GFOD2: variants seen among roughly 807,000 people sequenced by gnomAD.
GFOD2 encodes the protein glucose-fructose oxidoreductase domain-containing protein 2.
A neutral mutation model predicts 24.6 loss-of-function variants in GFOD2; 9 were observed. That is an observed-to-expected ratio of 0.37 (90% confidence interval 0.22 to 0.64). The LOEUF (loss-of-function observed/expected upper bound fraction) is 0.64. Ranked by LOEUF, GFOD2 falls within the 30% of genes least tolerant of loss-of-function variation. GFOD2 has a pLI of 0.65. For synonymous variants in GFOD2, 211 were observed against 224.8 expected, an observed-to-expected ratio of 0.94 and a Z score of 0.55; for missense variants, 476 against 532.5, an observed-to-expected ratio of 0.89 and a Z score of 1.04.
chr16:67,708,782 C>T (rs963517351), intron 1 of GFOD2, among the ~76,000 whole-genome samples: 103 of 152,268 alleles, frequency 6.8e-4, no homozygotes, highest in African/African-American at 2.4e-3. Context: ...GAGGCACCTC[C>T]ACAGACTTGA....
At chr16:67,692,228 T>TAA (rs58414730) in intron 1 of GFOD2, among the ~76,000 whole-genome samples, 1,501 of 109,304 alleles carry the variant, frequency 0.014, 24 homozygotes, top group African/African-American at 0.046. Flanking sequence ...ATGAACTTGG[T>TAA]AAAAAAAAAA....
At chr16:67,708,487 T>C (rs2053452898) in intron 1 of GFOD2, among the ~76,000 whole-genome samples, 1 of 152,182 alleles carries the variant, frequency 6.6e-6, no homozygotes, top group Non-Finnish European at 1.5e-5. Flanking sequence ...GAGCTCCAGA[T>C]GTTAGGAAGT....
chr16:67,679,897 A>AAC (rs1567653597), intron 2 of GFOD2, among the ~76,000 whole-genome samples: 23 of 149,320 alleles, frequency 1.5e-4, no homozygotes, highest in African/African-American at 5.4e-4. Context: ...AAAAAAAAAA[A>AAC]AACAACAACA....
At position 67,713,397 on chromosome 16, in the gene GFOD2, T is replaced by A. The variant is rs974959895; in HGVS notation, c.-88+5766A>T. Among the ~76,000 whole-genome samples, 30 of 152,248 alleles carry A rather than the reference T, an allele frequency of 2.0e-4. No homozygotes were observed. The East Asian group carries it at 5.8e-3, about 29-fold the overall frequency. On this transcript the variant is annotated intron_variant, in intron 1 of 2. Coordinates refer to ENST00000268797, the MANE Select transcript of GFOD2 (RefSeq NM_030819.4). ...CACCTGCTGGTGTCCTTCAATTCAA[T>A]TCTGACGATATCTACCTGGAGAATC...
intron 1 of GFOD2, among the ~76,000 whole-genome samples, chr16:67,715,170 C>T (rs1438531855): frequency 2.0e-5 from 3 of 151,966 alleles, no homozygotes; most frequent in East Asian, 3.9e-4. Context: ...GCAATTCTCC[C>T]GCCTCAGCCT....
intron 1 of GFOD2, among the ~76,000 whole-genome samples, chr16:67,688,881 C>CA (rs2053288928): frequency 6.6e-6 from 1 of 150,864 alleles, no homozygotes; most frequent in East Asian, 1.9e-4. Flanking sequence ...ACTACAGACG[C>CA]CCCCCCACCA....
chr16:67,713,329 G>T (rs2053488645), intron 1 of GFOD2, among the ~76,000 whole-genome samples: 1 of 152,150 alleles, frequency 6.6e-6, no homozygotes, highest in Non-Finnish European at 1.5e-5. Context: ...ATGTGTGGGG[G>T]TTTCTCCCCA....
intron 1 of GFOD2, among the ~76,000 whole-genome samples, chr16:67,689,898 T>C (rs9938862): frequency 0.12 from 18,910 of 152,164 alleles, 2,262 homozygotes; most frequent in African/African-American, 0.32. Flanking sequence ...TGAATTTGAC[T>C]ACTTTAGATA....
At chr16:67,682,499 T>TA (rs1466742636) in intron 2 of GFOD2, 6 of 985,204 alleles carry the variant, frequency 6.1e-6, no homozygotes, top group Non-Finnish European at 7.2e-6. Flanking sequence ...AACTGAAGAA[T>TA]AAAATATATT....
chr16:67,685,390 G>A (rs1443741139), intron 2 of GFOD2, 67 bp downstream of exon 2: 1 of 1,605,392 alleles, frequency 6.2e-7, no homozygotes, highest in Non-Finnish European at 8.5e-7. Context: ...GAGGAGAGGA[G>A]TGACCCTCAG....
intron 1 of GFOD2, among the ~76,000 whole-genome samples, chr16:67,690,301 A>C (rs2142994741): frequency 6.6e-6 from 1 of 151,876 alleles, no homozygotes; most frequent in Non-Finnish European, 1.5e-5. Flanking sequence ...AGCGTGCAAG[A>C]CTTCTGATTT....
chr16:67,678,489 A>G (rs1040933868), intron 2 of GFOD2, among the ~76,000 whole-genome samples: 26 of 151,854 alleles, frequency 1.7e-4, no homozygotes, highest in African/African-American at 2.7e-4. Flanking sequence ...AAAAAAAAAA[A>G]AAAAAGAAAA....
At chr16:67,703,858 C>T (rs1177010649) in intron 1 of GFOD2, among the ~76,000 whole-genome samples, 2 of 152,142 alleles carry the variant, frequency 1.3e-5, no homozygotes, top group Admixed American at 1.3e-4. Flanking sequence ...TACCCATGTG[C>T]CCAGCCCCTG....
chr16:67,708,510 T>C (rs1428308324), intron 1 of GFOD2, among the ~76,000 whole-genome samples: 1 of 152,210 alleles, frequency 6.6e-6, no homozygotes, highest in Non-Finnish European at 1.5e-5. Context: ...TCACCACTCA[T>C]GAACAACTCA....
chr16:67,688,468 C>G (rs1186312857), intron 1 of GFOD2, among the ~76,000 whole-genome samples: 1 of 152,020 alleles, frequency 6.6e-6, no homozygotes, highest in African/African-American at 2.4e-5. Flanking sequence ...CAATAAAGAA[C>G]AAAACCAAAC....
chr16:67,706,246 G>A (rs1010136624), intron 1 of GFOD2, among the ~76,000 whole-genome samples: 4 of 151,952 alleles, frequency 2.6e-5, no homozygotes, highest in Admixed American at 2.0e-4. Context: ...CAAAGTGCTG[G>A]GATTACAGGT....
At chr16:67,715,800 A>C (rs2053501992) in intron 1 of GFOD2, among the ~76,000 whole-genome samples, 1 of 151,970 alleles carries the variant, frequency 6.6e-6, no homozygotes, top group Non-Finnish European at 1.5e-5. Flanking sequence ...TTTGTTCTAG[A>C]ATTGGACCCC....
At position 67,685,580 on chromosome 16, in the gene GFOD2, C is replaced by G. The variant is rs1484839139; in HGVS notation, c.136G>C (p.Glu46Gln). Reference sequence around the variant, plus strand: ...GTGTAGAAGGCGATGTTCATCTCCTCAGCAAGCTGCTTCGCCTCCTCCTCA... The same window carrying G: ...GTGTAGAAGGCGATGTTCATCTCCTGAGCAAGCTGCTTCGCCTCCTCCTCA... The part of the protein sequence containing the change: ...KTEEEAKQLA[E>Q]EMNIAFYTSR... The change falls in exon 2 of 3, where the codon GAG becomes CAG. Residue 46 changes from glutamate to glutamine, a missense_variant. Glu to Gln is a conservative substitution (Grantham distance 29). Coordinates refer to ENST00000268797, the MANE Select transcript of GFOD2 (RefSeq NM_030819.4). The G allele has an allele frequency of 1.2e-6, 2 of 1,614,102 alleles. No individual in the cohort carries two copies. Among genetic ancestry groups the G allele is most frequent in the Admixed American group, 1.7e-5 (1 of 60,002 alleles).
intron 2 of GFOD2, chr16:67,680,804 T>C (rs555480057): frequency 1.5e-5 from 15 of 969,204 alleles, no homozygotes; most frequent in Non-Finnish European, 1.8e-5. Context: ...AGGGTACATG[T>C]GCACAACGTG....
Sources: gnomAD v4.1 joint callset for allele counts (sites outside exome capture counted in the v4.1 genomes callset) on GRCh38, gnomAD v4.1.1 for gene constraint, MANE v1.5 for transcripts, NCBI Gene and HGNC (gene_info 2026-07-23, HGNC 2026-07-21) for gene names.